The following KCNN2 variants were observed in gnomAD, a reference collection of about 807,000 sequenced individuals.
The protein encoded by KCNN2 is small conductance calcium-activated potassium channel protein 2.
KCNN2 carries 24 observed loss-of-function variants against 55.5 expected under a neutral mutation model. That is an observed-to-expected ratio of 0.43 (90% CI 0.31 to 0.61). The LOEUF is 0.61. Ranked by LOEUF, KCNN2 falls within the 20% of genes least tolerant of loss-of-function variation. The probability of loss-of-function intolerance (pLI) is 0.08; values close to 1 mark genes in which losing one functional copy is unlikely to be tolerated. For synonymous variants in KCNN2, 431 were observed against 336.1 expected (o/e 1.28, Z -3.09); for missense variants, 754 against 853.6 (o/e 0.88, Z 1.45).
chr5:114,221,273 T>G (rs1030889115), intron 1 of KCNN2, among the ~76,000 whole-genome samples: 1 of 152,210 alleles, frequency 6.6e-6, no homozygotes, highest in Non-Finnish European at 1.5e-5. Flanking sequence ...ATCTAGGAAT[T>G]GTTTTAAAGA....
chr5:114,321,405 G>C (rs1288061159), intron 2 of KCNN2, among the ~76,000 whole-genome samples: 3 of 152,130 alleles, frequency 2.0e-5, no homozygotes, highest in African/African-American at 7.2e-5. Flanking sequence ...TAAAAGCTCA[G>C]GAACTGTGGT....
chr5:114,368,091 A>G (rs970572012), intron 2 of KCNN2, among the ~76,000 whole-genome samples: 1 of 152,026 alleles, frequency 6.6e-6, no homozygotes, highest in Admixed American at 6.6e-5. Flanking sequence ...CTCCATATCC[A>G]TGGGTTCTGC....
intron 2 of KCNN2, among the ~76,000 whole-genome samples, chr5:114,378,553 G>A (rs1758011496): frequency 6.6e-6 from 1 of 152,198 alleles, no homozygotes; most frequent in African/African-American, 2.4e-5. Context: ...GGGCTTCTGT[G>A]TAGGAGTTTG....
chr5:114,334,442 T>C (rs906869777), intron 2 of KCNN2, among the ~76,000 whole-genome samples: 6 of 152,050 alleles, frequency 3.9e-5, no homozygotes, highest in Admixed American at 2.0e-4. Flanking sequence ...AGACAATTCA[T>C]AGAATACAAA....
chr5:114,064,317 A>G (rs921700273), intron 1 of KCNN2, among the ~76,000 whole-genome samples: 1 of 152,172 alleles, frequency 6.6e-6, no homozygotes, highest in Non-Finnish European at 1.5e-5. Flanking sequence ...TTTGAACAAT[A>G]AAACTCAGTG....
chr5:114,276,753 G>A (rs1203816916), intron 2 of KCNN2, among the ~76,000 whole-genome samples: 1 of 149,368 alleles, frequency 6.7e-6, no homozygotes, highest in African/African-American at 2.5e-5. Flanking sequence ...TGGGTCTCCT[G>A]AATACAGCAC....
At chr5:114,214,790 A>T (rs937842927) in intron 1 of KCNN2, among the ~76,000 whole-genome samples, 1 of 152,144 alleles carries the variant, frequency 6.6e-6, no homozygotes, top group Non-Finnish European at 1.5e-5. Context: ...GTCATCCAAG[A>T]CCTAAATAAA....
At chr5:114,074,798 TAGAA>T (rs1416987718) in intron 1 of KCNN2, among the ~76,000 whole-genome samples, 1 of 152,166 alleles carries the variant, frequency 6.6e-6, no homozygotes, top group Admixed American at 6.5e-5. Flanking sequence ...AATTTAACAA[TAGAA>T]AGAAGAAAGT....
chr5:114,114,990 G>T (rs1267478633), intron 1 of KCNN2, among the ~76,000 whole-genome samples: 1 of 152,046 alleles, frequency 6.6e-6, no homozygotes, highest in African/African-American at 2.4e-5. Flanking sequence ...TAGTTGGTGG[G>T]ATATATATAA....
At chr5:114,168,131 A>G (rs1013055307) in intron 1 of KCNN2, among the ~76,000 whole-genome samples, 49 of 150,232 alleles carry the variant, frequency 3.3e-4, no homozygotes, top group Non-Finnish European at 5.3e-4. Flanking sequence ...AGCATTATAT[A>G]TGTGTGTATA....
intron 1 of KCNN2, among the ~76,000 whole-genome samples, chr5:114,129,807 G>T (rs1752034662): frequency 6.6e-6 from 1 of 152,224 alleles, no homozygotes; most frequent in Admixed American, 6.5e-5. Flanking sequence ...GTGGCATGAA[G>T]AATCCAAAAT....
At chr5:114,139,103 G>A (rs1287356343) in intron 1 of KCNN2, among the ~76,000 whole-genome samples, 1 of 152,046 alleles carries the variant, frequency 6.6e-6, no homozygotes, top group Non-Finnish European at 1.5e-5. Context: ...GTCTCATAAT[G>A]GAGGACAGCA....
At chr5:114,331,154 C>A (rs746750848) in intron 2 of KCNN2, among the ~76,000 whole-genome samples, 21 of 151,946 alleles carry the variant, frequency 1.4e-4, no homozygotes, top group Non-Finnish European at 2.6e-4. Context: ...GGATCATAAA[C>A]AAGGCAGAAT....
At chr5:114,340,245 T>A (rs919191714) in intron 2 of KCNN2, among the ~76,000 whole-genome samples, 21 of 152,212 alleles carry the variant, frequency 1.4e-4, no homozygotes, top group African/African-American at 4.8e-4. Context: ...TGCGTAAACA[T>A]GAAGCAGATT....
chr5:114,158,343 T>C (rs1035881457), intron 1 of KCNN2, among the ~76,000 whole-genome samples: 33 of 152,338 alleles, frequency 2.2e-4, no homozygotes, highest in African/African-American at 7.9e-4. Flanking sequence ...GAGGGCTCTG[T>C]TCTGTTCCAT....
chr5:114,325,879 G>A (rs530874165), intron 2 of KCNN2, among the ~76,000 whole-genome samples: 34 of 152,242 alleles, frequency 2.2e-4, no homozygotes, highest in African/African-American at 4.6e-4. Context: ...CTGGTTCCTC[G>A]TGTCCACGTG....
intron 2 of KCNN2, among the ~76,000 whole-genome samples, chr5:114,354,201 T>C (rs546242401): frequency 5.3e-5 from 8 of 152,188 alleles, no homozygotes; most frequent in African/African-American, 1.2e-4. Flanking sequence ...AAATTTATCA[T>C]TGAATTTTTC....
At chr5:114,062,697 T>C (rs1750358155) in intron 1 of KCNN2, among the ~76,000 whole-genome samples, 1 of 152,232 alleles carries the variant, frequency 6.6e-6, no homozygotes, top group Non-Finnish European at 1.5e-5. Context: ...ATCTTTGTTT[T>C]ACTTCCAATT....
chr5:114,144,162 G>C (rs1752348378), intron 1 of KCNN2, among the ~76,000 whole-genome samples: 1 of 152,148 alleles, frequency 6.6e-6, no homozygotes, highest in South Asian at 2.1e-4. Context: ...GCGTTTTACT[G>C]ATTCCCAATT....
Sources: allele counts gnomAD v4.1 joint callset (sites outside exome capture counted in the v4.1 genomes callset), GRCh38; gene constraint gnomAD v4.1.1; transcripts MANE v1.5; gene names NCBI Gene and HGNC (gene_info 2026-07-23, HGNC 2026-07-21).